The following CHD1L variants were observed in gnomAD, a reference collection of about 807,000 sequenced individuals.
The protein encoded by CHD1L is ATP-dependent chromatin remodeler CHD1L.
Under a neutral mutation model 115.9 loss-of-function variants are expected in CHD1L, and 118 were observed. That is an observed-to-expected ratio of 1.02 (90% CI 0.88 to 1.19). CHD1L has a LOEUF of 1.19. Ranked by LOEUF, CHD1L falls within the 50% of genes most tolerant of loss-of-function variation. CHD1L has a pLI of 0.00. For missense variants in CHD1L, 1,179 were observed against 1,065.3 expected (o/e 1.11, Z -1.49); for synonymous variants, 411 against 387.1 (o/e 1.06, Z -0.72).
the CHD1L span, among the ~76,000 whole-genome samples, chr1:147,177,388 A>G: frequency 1.3e-5 from 2 of 152,212 alleles, no homozygotes; most frequent in Admixed American, 1.3e-4. Flanking sequence ...GAAACAAATA[A>G]TTGGGAGATA....
chr1:147,282,804 C>T (rs1383230754), intron 15 of CHD1L, among the ~76,000 whole-genome samples: 2 of 152,150 alleles, frequency 1.3e-5, no homozygotes, highest in East Asian at 3.9e-4. Flanking sequence ...ATTTCTCAGT[C>T]AATCCAACTG....
chr1:147,224,572 C>T, the CHD1L span, among the ~76,000 whole-genome samples: 88 of 151,998 alleles, frequency 5.8e-4, 1 homozygote, highest in African/African-American at 2.1e-3. Context: ...TGCAGTGGGG[C>T]GATCTCGGCT....
At chr1:147,293,533 G>A (rs587618073) in intron 20 of CHD1L, 75 bp from the exon 21 acceptor site, 99 of 1,240,814 alleles carry the variant, frequency 8.0e-5, no homozygotes, top group Non-Finnish European at 8.9e-5. Flanking sequence ...GGGCTGTGCC[G>A]CCTCCATGGG....
the CHD1L span, chr1:147,203,954 G>T: frequency 7.8e-7 from 1 of 1,277,530 alleles, no homozygotes; most frequent in Non-Finnish European, 1.1e-6. Context: ...AGCACCAACT[G>T]TTTTACAGAG....
intron 1 of CHD1L, 56 bp from the exon 2 acceptor site, chr1:147,252,567 C>T: frequency 2.3e-6 from 3 of 1,322,778 alleles, no homozygotes; most frequent in Non-Finnish European, 3.2e-6. Context: ...TAGAACATTG[C>T]CTCTGCATGT....
intron 12 of CHD1L, among the ~76,000 whole-genome samples, chr1:147,274,398 C>A (rs12030664): frequency 6.6e-6 from 1 of 152,138 alleles, no homozygotes; most frequent in African/African-American, 2.4e-5. Context: ...CAACTTGATA[C>A]GAAGACTTTA....
intron 5 of CHD1L, among the ~76,000 whole-genome samples, chr1:147,257,237 T>C (rs1297011565): frequency 6.6e-6 from 1 of 152,198 alleles, no homozygotes; most frequent in Non-Finnish European, 1.5e-5. Context: ...TAGGTGGATA[T>C]TCTGTATTTT....
At chr1:147,289,171 C>T (rs1684541412) in intron 19 of CHD1L, among the ~76,000 whole-genome samples, 2 of 152,042 alleles carry the variant, frequency 1.3e-5, no homozygotes, top group South Asian at 2.1e-4. Flanking sequence ...AAGCAAAACC[C>T]AGGGAAGGTC....
At chr1:147,195,127 C>T in the CHD1L span, among the ~76,000 whole-genome samples, 6 of 152,048 alleles carry the variant, frequency 3.9e-5, no homozygotes, top group East Asian at 1.9e-4. Context: ...CCATTCTCCC[C>T]GTCACTTTCA....
chr1:147,190,287 C>T, the CHD1L span: 1 of 1,237,390 alleles, frequency 8.1e-7, no homozygotes, highest in Non-Finnish European at 1.2e-6. Flanking sequence ...GTAAAATTAC[C>T]TCAGAAGGAA....
chr1:147,287,118 G>C (rs1024227760), intron 18 of CHD1L, among the ~76,000 whole-genome samples: 2 of 152,016 alleles, frequency 1.3e-5, no homozygotes, highest in Non-Finnish European at 2.9e-5. Flanking sequence ...TTTCTTGTTC[G>C]CTGCTGTGAC....
chr1:147,242,229 G>A (rs1317452362), upstream of CHD1L, among the ~76,000 whole-genome samples: 2 of 152,138 alleles, frequency 1.3e-5, no homozygotes, highest in African/African-American at 4.8e-5. Flanking sequence ...GTAAGAAAGG[G>A]ATTTCAGGGA....
chr1:147,267,603 A>G (rs1674453332), intron 9 of CHD1L, 85 bp downstream of exon 9: 1 of 1,010,570 alleles, frequency 9.9e-7, no homozygotes, highest in Non-Finnish European at 1.5e-6. Context: ...AAATAATTGC[A>G]TATACTTACT....
chr1:147,215,550 C>A, the CHD1L span: 1 of 497,922 alleles, frequency 2.0e-6, no homozygotes, highest in African/African-American at 2.0e-5. Flanking sequence ...CCTGTATCTG[C>A]AGCCAAAATA....
the CHD1L span, among the ~76,000 whole-genome samples, chr1:147,206,746 C>T: frequency 1.3e-5 from 2 of 152,006 alleles, no homozygotes; most frequent in Admixed American, 6.6e-5. Context: ...GGGAACATCA[C>T]ACACCAGGGC....
chr1:147,248,530 A>T (rs994980395), intron 1 of CHD1L, among the ~76,000 whole-genome samples: 6 of 152,262 alleles, frequency 3.9e-5, no homozygotes, highest in South Asian at 4.1e-4. Flanking sequence ...TTTAATTGGT[A>T]TACTTACACC....
chr1:147,284,238 G>A, intron 15 of CHD1L, 113 bp from the exon 16 acceptor site: 1 of 806,884 alleles, frequency 1.2e-6, no homozygotes, highest in East Asian at 2.7e-5. Flanking sequence ...TATGGACTTA[G>A]CCCATTTAGA....
chr1:147,291,696 A>G, intron 20 of CHD1L, 144 bp downstream of exon 20: 1 of 659,110 alleles, frequency 1.5e-6, no homozygotes, highest in South Asian at 1.8e-5. Context: ...TAGGTAGCTT[A>G]AACAACAGAA....
chr1:147,175,504 G>A, the CHD1L span: 56,686 of 151,714 alleles, frequency 0.37, 11,018 homozygotes, highest in African/African-American at 0.5. Flanking sequence ...TTCTTGTGAT[G>A]GTGCATGAAT....
Sources: gnomAD v4.1 joint callset for allele counts (sites outside exome capture counted in the v4.1 genomes callset) on GRCh38, gnomAD v4.1.1 for gene constraint, MANE v1.5 for transcripts, NCBI Gene and HGNC (gene_info 2026-07-23, HGNC 2026-07-21) for gene names.